Variants in ASCC3 observed in about 807,000 individuals in gnomAD.
ASCC3 encodes the protein ASC-1 complex subunit P200.
A neutral mutation model predicts 256.3 loss-of-function variants in ASCC3; 158 were observed. The observed-to-expected ratio is 0.62, with a 90% CI of 0.54 to 0.70. The LOEUF (loss-of-function observed/expected upper bound fraction) is 0.70, where lower values mean the gene tolerates loss of function less well. Ranked by LOEUF, ASCC3 falls within the 30% of genes least tolerant of loss-of-function variation. The pLI is 0.00. For synonymous variants in ASCC3, 948 were observed against 883.4 expected (o/e 1.07, Z -1.30); for missense variants, 2,259 against 2,626.0 (o/e 0.86, Z 3.05).
chr6:100,580,828 C>T lies in ASCC3; in HGVS notation c.5550+8806G>A, dbSNP rs919004699. ...ATTCCCACCTATGAGTGAGAATATG[C>T]GGTGTTTGGTTTTTTGGTCTTGCGA... On this transcript the variant is annotated intron_variant, in intron 36 of 41. Coordinates refer to ENST00000369162, the MANE Select transcript of ASCC3 (RefSeq NM_006828.4). 3.8e-4 allele frequency among the ~76,000 whole-genome samples: 56 copies of T among 148,254 alleles called. No homozygotes were observed. The South Asian group carries it at 0.011, about 30-fold the overall frequency.
Position 100,662,024 on chromosome 6 carries a change from G to T in ASCC3, c.2485C>A (p.Gln829Lys). ...GAGCCTCTTTTTGCAGCATATATTT[G>T]TGTTCCCTAGATGAGGAAAAGTTAA... ...PAHAVIIKGT[Q>K]IYAAKRGSFV... Residue 829 changes from glutamine to lysine, a missense_variant, in exon 16 of 42, where the codon CAA becomes AAA. Gln to Lys is a moderately conservative substitution (Grantham distance 53). Transcript: ENST00000369162. The T allele has an allele frequency of 2.5e-6, 4 of 1,612,866 alleles. No individual in the cohort carries two copies. The highest frequency in any genetic ancestry group is 3.4e-6 in the Non-Finnish European group (4 of 1,179,290).
At chr6:100,509,750 C>T (rs1047051666) in intron 41 of ASCC3, among the ~76,000 whole-genome samples, 182 bp downstream of exon 41, 261 of 151,896 alleles carry the variant, frequency 1.7e-3, no homozygotes, top group Non-Finnish European at 2.2e-3. Flanking sequence ...TAGCCGGGCG[C>T]AGTGGCGGGC....
At chr6:100,753,986 A>T (rs1460796423) in intron 10 of ASCC3, among the ~76,000 whole-genome samples, 1 of 152,172 alleles carries the variant, frequency 6.6e-6, no homozygotes, top group Non-Finnish European at 1.5e-5. Context: ...TAAAGAGTTC[A>T]TCATCAATTT....
At chr6:100,836,132 T>C (rs377282600) in intron 4 of ASCC3, among the ~76,000 whole-genome samples, 1 of 152,136 alleles carries the variant, frequency 6.6e-6, no homozygotes, top group Non-Finnish European at 1.5e-5. Context: ...TAAATTTTAT[T>C]CTAACAGTTT....
intron 4 of ASCC3, among the ~76,000 whole-genome samples, chr6:100,837,322 T>C (rs1562333382): frequency 6.6e-6 from 1 of 152,074 alleles, no homozygotes; most frequent in Non-Finnish European, 1.5e-5. Flanking sequence ...TGAAAAACAG[T>C]ATGAAGGTTT....
At chr6:100,712,240 A>T (rs981691330) in intron 13 of ASCC3, among the ~76,000 whole-genome samples, 1 of 152,190 alleles carries the variant, frequency 6.6e-6, no homozygotes, top group Admixed American at 6.5e-5. Flanking sequence ...CCAAAGACAT[A>T]AAGGAAATAA....
intron 3 of ASCC3, chr6:100,857,551 T>C (rs1328765414): frequency 1.3e-5 from 2 of 152,024 alleles, no homozygotes; most frequent in Non-Finnish European, 2.9e-5. Context: ...ATTTGTAAAA[T>C]AGGTACTTTT....
chr6:100,511,024 A>T (rs1773735076), intron 40 of ASCC3, among the ~76,000 whole-genome samples: 1 of 152,186 alleles, frequency 6.6e-6, no homozygotes, highest in African/African-American at 2.4e-5. Flanking sequence ...ATATTAAGGT[A>T]AAAAAATCAT....
chr6:100,613,323 T>A (rs12203686), intron 30 of ASCC3, among the ~76,000 whole-genome samples: 62 of 152,060 alleles, frequency 4.1e-4, no homozygotes, highest in Non-Finnish European at 6.0e-4. Flanking sequence ...TAAATTTTTT[T>A]AATTTTATTT....
intron 13 of ASCC3, among the ~76,000 whole-genome samples, chr6:100,685,294 A>C (rs1184378153): frequency 2.0e-5 from 3 of 152,176 alleles, no homozygotes; most frequent in African/African-American, 7.2e-5. Context: ...AGGGAGGGTC[A>C]TGTCCTGGCA....
At chr6:100,686,932 C>T (rs1287071295) in intron 13 of ASCC3, among the ~76,000 whole-genome samples, 1 of 151,618 alleles carries the variant, frequency 6.6e-6, no homozygotes, top group Non-Finnish European at 1.5e-5. Flanking sequence ...AATATTGTGT[C>T]CTAGTCTGTG....
At chr6:100,663,757 T>C (rs1776338494) in intron 14 of ASCC3, among the ~76,000 whole-genome samples, 1 of 152,174 alleles carries the variant, frequency 6.6e-6, no homozygotes, top group African/African-American at 2.4e-5. Flanking sequence ...TTAGTTTTGC[T>C]GTTGCACCTC....
chr6:100,727,443 T>C lies in ASCC3; in HGVS notation c.1738-1740A>G, dbSNP rs191503380. 2.1e-3 allele frequency among the ~76,000 whole-genome samples: 324 copies of C among 151,508 alleles called. 2 individuals carry two copies. Among genetic ancestry groups the C allele is most frequent in the South Asian group, 0.011 (52 of 4,772 alleles). On this transcript the variant is annotated intron_variant, in intron 10 of 41. Transcript: ENST00000369162. Reference sequence around the variant, plus strand: ...TAATAAAGCCTCCGAGAGGAATGAGTTTGTGCATTTTACATTTGGTTCTTT... The same window carrying C: ...TAATAAAGCCTCCGAGAGGAATGAGCTTGTGCATTTTACATTTGGTTCTTT...
At chr6:100,666,234 A>G (rs1168498750) in intron 14 of ASCC3, among the ~76,000 whole-genome samples, 3 of 152,136 alleles carry the variant, frequency 2.0e-5, no homozygotes, top group African/African-American at 4.8e-5. Flanking sequence ...ACTGAAGGAC[A>G]TGGGGGTTGT....
rs112816278 is a variant in ASCC3 at position 100,578,141 on chromosome 6, C to A, written c.5550+11493G>T. Among the ~76,000 whole-genome samples the A allele has an allele frequency of 5.3e-5, 8 of 151,976 alleles. 1 individual carries two copies. Among genetic ancestry groups the A allele is most frequent in the African/African-American group, 1.9e-4 (8 of 41,474 alleles). ...ATTCTGAAAACTACCAGGCTGACCC[C>A]AATCATTCCACATATAAAGAAAAAG... is the stretch of plus-strand genomic sequence containing the variant. On this transcript the variant is annotated intron_variant, in intron 36 of 41. Transcript: ENST00000369162.
At chr6:100,682,131 A>G (rs1310718139) in intron 13 of ASCC3, among the ~76,000 whole-genome samples, 3 of 152,144 alleles carry the variant, frequency 2.0e-5, no homozygotes, top group East Asian at 1.9e-4. Context: ...TCTCTAATAT[A>G]AAAATAAATT....
At chr6:100,775,849 T>TA (rs61577544) in intron 8 of ASCC3, among the ~76,000 whole-genome samples, 19,881 of 149,904 alleles carry the variant, frequency 0.13, 3,022 homozygotes, top group East Asian at 0.45. Context: ...TGACAGCAGT[T>TA]AAAAAAAAAA....
At chr6:100,605,748 C>G in intron 32 of ASCC3, 48 bp from the exon 33 acceptor site, 2 of 1,582,064 alleles carry the variant, frequency 1.3e-6, no homozygotes, top group Non-Finnish European at 1.7e-6. Flanking sequence ...GCATATAGCA[C>G]AAGGTATATT....
intron 8 of ASCC3, among the ~76,000 whole-genome samples, chr6:100,780,609 G>T (rs9386254): frequency 0.062 from 9,413 of 151,922 alleles, 690 homozygotes; most frequent in East Asian, 0.3. Flanking sequence ...GACTTAAAAA[G>T]AAAATAAAAA....
Sources: allele counts gnomAD v4.1 joint callset (sites outside exome capture counted in the v4.1 genomes callset), GRCh38; gene constraint gnomAD v4.1.1; transcripts MANE v1.5; gene names NCBI Gene and HGNC (gene_info 2026-07-23, HGNC 2026-07-21).